Variants in CAPN8 observed in about 807,000 individuals in gnomAD.
CAPN8 encodes calpain-8.
A neutral mutation model predicts 80.9 loss-of-function variants in CAPN8; 87 were observed. The ratio of observed to expected loss-of-function variants is 1.07; its 90% CI spans 0.90 to 1.28. The LOEUF (loss-of-function observed/expected upper bound fraction) is 1.28, where lower values mean the gene tolerates loss of function less well. Among genes scored for constraint, CAPN8 ranks in the 50% most tolerant of loss-of-function variants. The probability of loss-of-function intolerance (pLI) is 0.00; values close to 1 mark genes in which losing one functional copy is unlikely to be tolerated. For synonymous variants in CAPN8, 299 were observed against 273.8 expected (o/e 1.09, Z -0.91); for missense variants, 757 against 702.0 (o/e 1.08, Z -0.89).
intron 13 of CAPN8, 114 bp downstream of exon 13, chr1:223,558,017 A>G (rs1656945315): frequency 5.0e-6 from 2 of 396,134 alleles, no homozygotes; most frequent in South Asian, 2.6e-4. Flanking sequence ...TTGTGGCCCT[A>G]ACTAATAAGA....
intron 2 of CAPN8, among the ~76,000 whole-genome samples, chr1:223,638,461 A>G (rs1657967463): frequency 6.6e-6 from 1 of 152,168 alleles, no homozygotes; most frequent in Non-Finnish European, 1.5e-5. Context: ...AACAGCAGGT[A>G]TGATATTTTT....
chr1:223,643,570 A>G (rs867801652), intron 2 of CAPN8, among the ~76,000 whole-genome samples: 1 of 152,242 alleles, frequency 6.6e-6, no homozygotes, highest in Non-Finnish European at 1.5e-5. Flanking sequence ...GATAGAAAGG[A>G]AGCAAAACTC....
chr1:223,544,415 C>A (rs1486791288), intron 18 of CAPN8: 1 of 587,460 alleles, frequency 1.7e-6, no homozygotes, highest in African/African-American at 1.9e-5. Context: ...AGCGCTAGTA[C>A]CAGCACCAAC....
In CAPN8 at chr1:223,627,082, A is replaced by G; in HGVS notation, c.636T>C (p.Ser212=). 1 of 1,552,258 alleles carries G rather than the reference A, an allele frequency of 6.4e-7. No homozygotes were observed. Among genetic ancestry groups the G allele is most frequent in the Non-Finnish European group, 8.7e-7 (1 of 1,147,108 alleles). ...EGFEDFTGGI[S]EFYDLKKPPA... Reference sequence around the variant, plus strand: ...GTGGTTTCTTCAGGTCATAAAACTCAGAGATGCCACCTGTGAAATCCTCAA... The same window carrying G: ...GTGGTTTCTTCAGGTCATAAAACTCGGAGATGCCACCTGTGAAATCCTCAA... Residue 212 remains serine, a synonymous_variant, in exon 5 of 21, where the codon TCT becomes TCC. Coordinates refer to ENST00000366872, the MANE Select transcript of CAPN8 (RefSeq NM_001143962.2).
chr1:223,658,088 A>G (rs1658547228), intron 1 of CAPN8, among the ~76,000 whole-genome samples: 1 of 152,060 alleles, frequency 6.6e-6, no homozygotes, highest in Admixed American at 6.6e-5. Context: ...AGATTATCCC[A>G]TTTCATACAG....
At chr1:223,655,534 C>T (rs938952506) in intron 1 of CAPN8, among the ~76,000 whole-genome samples, 1 of 152,132 alleles carries the variant, frequency 6.6e-6, no homozygotes, top group African/African-American at 2.4e-5. Context: ...AAATAAACCA[C>T]GTAGTTCTTG....
chr1:223,652,091 A>T (rs1489698780), intron 2 of CAPN8, among the ~76,000 whole-genome samples: 60 of 152,200 alleles, frequency 3.9e-4, no homozygotes, highest in Non-Finnish European at 2.9e-5. Context: ...ACAGAACTCT[A>T]TGAAAAAGAC....
intron 1 of CAPN8, among the ~76,000 whole-genome samples, chr1:223,661,507 G>A (rs61822584): frequency 0.028 from 4,332 of 152,260 alleles, 81 homozygotes; most frequent in Non-Finnish European, 0.045. Context: ...ACGAGTGCCT[G>A]TAATCCCAGC....
chr1:223,543,469 T>A (rs1215325589), intron 19 of CAPN8, among the ~76,000 whole-genome samples: 1 of 152,212 alleles, frequency 6.6e-6, no homozygotes, highest in Non-Finnish European at 1.5e-5. Flanking sequence ...AATTACTTTA[T>A]CAAGGTCAAA....
At chr1:223,610,095 T>C (rs1406869219) in intron 11 of CAPN8, among the ~76,000 whole-genome samples, 4 of 152,204 alleles carry the variant, frequency 2.6e-5, no homozygotes, top group Non-Finnish European at 5.9e-5. Context: ...AAAGTTATTA[T>C]TGCTGTAATT....
Position 223,654,446 on chromosome 1 carries a change from TG to T in CAPN8, c.238-48del, listed in dbSNP as rs761628233. On this transcript the variant is annotated intron_variant, in intron 1 of 20. Transcript: ENST00000366872. Reference sequence around the variant, plus strand: ...ACACAAGTCACAAGGTGCTCAGTGATGGCAGCAGCCTGGGGAAAGGAACATC... The same window carrying T: ...ACACAAGTCACAAGGTGCTCAGTGATGCAGCAGCCTGGGGAAAGGAACATC... 2.0e-6 allele frequency: 3 copies of T among 1,512,058 alleles called. No homozygotes were observed. In the South Asian group the frequency reaches 3.6e-5, roughly 18 times the overall value. 93.7% of individuals were successfully genotyped at this position (1,512,058 alleles called of 1,614,324 possible). A position where few individuals can be genotyped will look rare whatever the true frequency, so the allele number is the denominator to read the frequency against.
chr1:223,550,979 C>A lies in CAPN8; in HGVS notation c.1680G>T (p.Leu560Phe), dbSNP rs762312391. 1 of 718,318 alleles carries A rather than the reference C, an allele frequency of 1.4e-6. No individual in the cohort carries two copies. Among genetic ancestry groups the A allele is most frequent in the Non-Finnish European group, 2.6e-6 (1 of 385,002 alleles). 44.5% of individuals were successfully genotyped at this position (718,318 alleles called of 1,614,324 possible). A position where few individuals can be genotyped will look rare whatever the true frequency, so the allele number is the denominator to read the frequency against. Residue 560 changes from leucine (L) to phenylalanine (F), a missense_variant, in exon 15 of 21, where the codon TTG (leucine) becomes TTT (phenylalanine). Transcript: ENST00000366872. Reference protein sequence around the residue: ...EITANALKILLNEAFSKRTDI... With the variant: ...EITANALKILFNEAFSKRTDI... The stretch of plus-strand genomic sequence containing the variant: ...ACTTACTCTTGGAAAACGCCTCATT[C>A]AAAAGTATCTTGAGTGCATTGGCAG...
intron 2 of CAPN8, among the ~76,000 whole-genome samples, chr1:223,650,824 G>T (rs1247687209): frequency 2.0e-5 from 3 of 152,184 alleles, no homozygotes; most frequent in Non-Finnish European, 2.9e-5. Flanking sequence ...ATAAGGGGGT[G>T]CACAAAGCCA....
chr1:223,558,572 G>A (rs932050744), intron 12 of CAPN8, among the ~76,000 whole-genome samples: 10 of 152,168 alleles, frequency 6.6e-5, no homozygotes, highest in African/African-American at 2.4e-4. Context: ...TAGATGTTGT[G>A]TGTGCTATGG....
At chr1:223,542,803 G>A (rs1656504759) in intron 20 of CAPN8, among the ~76,000 whole-genome samples, 2 of 152,098 alleles carry the variant, frequency 1.3e-5, no homozygotes, top group African/African-American at 4.8e-5. Context: ...GGTCCTAGAA[G>A]CCAGACACTT....
chr1:223,662,680 T>A (rs1658678887), intron 1 of CAPN8, among the ~76,000 whole-genome samples: 1 of 152,202 alleles, frequency 6.6e-6, no homozygotes, highest in African/African-American at 2.4e-5. Flanking sequence ...ATGTGTATCA[T>A]ACCACAATTT....
At chr1:223,628,218 G>C (rs1438001623) in intron 3 of CAPN8, 76 bp from the exon 4 acceptor site, 1 of 1,444,224 alleles carries the variant, frequency 6.9e-7, no homozygotes, top group Non-Finnish European at 9.2e-7. Context: ...GGGACCTCAC[G>C]TGGGGACTCT....
rs1381572657 is a variant in CAPN8, at chr1:223,665,478, C to G, written c.169G>C (p.Ala57Pro). Residue 57 changes from alanine (A) to proline (P), a missense_variant, in exon 1 of 21, where the codon GCT (alanine) becomes CCT (proline). Transcript: ENST00000366872. Reference protein sequence around the residue: ...KDPEFPACPSALGYKDLGPGS... With the variant: ...KDPEFPACPSPLGYKDLGPGS... ...GGTCCAAGATCCTTGTAGCCCAAAG[C>G]TGATGGACATGCTGGGAACTCAGGG... 6.4e-7 allele frequency: 1 copy of G among 1,552,036 alleles called. No individual in the cohort carries two copies. Among genetic ancestry groups the G allele is most frequent in the East Asian group, 2.4e-5 (1 of 40,924 alleles).
chr1:223,618,005 C>A (rs527670693), intron 9 of CAPN8: 3 of 495,104 alleles, frequency 6.1e-6, no homozygotes, highest in South Asian at 3.3e-5. Context: ...AGCACTGCAT[C>A]CAGGTGGGGT....
Sources: allele counts gnomAD v4.1 joint callset (sites outside exome capture counted in the v4.1 genomes callset), GRCh38; gene constraint gnomAD v4.1.1; transcripts MANE v1.5; gene names NCBI Gene and HGNC (gene_info 2026-07-23, HGNC 2026-07-21).